The following NUBPL variants were observed in gnomAD, a reference collection of about 807,000 sequenced individuals.
NUBPL encodes NUBP iron-sulfur cluster assembly factor, mitochondrial, also known as iron-sulfur cluster transfer protein NUBPL.
NUBPL carries 31 observed loss-of-function variants against 45.7 expected under a neutral mutation model. That is an observed-to-expected ratio of 0.68 (90% CI 0.51 to 0.92). NUBPL has a LOEUF of 0.92. NUBPL is among the 40% of genes least tolerant of loss of function. The pLI is 0.00. For synonymous variants in NUBPL, 144 were observed against 140.9 expected, an observed-to-expected ratio of 1.02 and a Z score of -0.15; for missense variants, 401 against 398.7, an observed-to-expected ratio of 1.01 and a Z score of -0.05.
chr14:31,635,241 T>C (rs1288535676), intron 4 of NUBPL, among the ~76,000 whole-genome samples: 1 of 152,178 alleles, frequency 6.6e-6, no homozygotes, highest in Non-Finnish European at 1.5e-5. Context: ...TTTAAGTCTT[T>C]AATCCATCTT....
chr14:31,608,569 G>T (rs2034666627), intron 4 of NUBPL, among the ~76,000 whole-genome samples: 1 of 151,840 alleles, frequency 6.6e-6, no homozygotes. Context: ...AAGAAACAAA[G>T]AAAGATAAAT....
At chr14:31,616,746 T>G (rs1038718387) in intron 4 of NUBPL, among the ~76,000 whole-genome samples, 16 of 152,078 alleles carry the variant, frequency 1.1e-4, no homozygotes, top group African/African-American at 3.4e-4. Flanking sequence ...GATTGTCTTG[T>G]CTATATGGGC....
At chr14:31,771,298 T>C (rs1428490475) in intron 6 of NUBPL, among the ~76,000 whole-genome samples, 1 of 152,044 alleles carries the variant, frequency 6.6e-6, no homozygotes, top group Non-Finnish European at 1.5e-5. Flanking sequence ...TAAAAACATA[T>C]TCAGAAATAA....
At chr14:31,754,152 G>C (rs1288942184) in intron 6 of NUBPL, among the ~76,000 whole-genome samples, 3 of 152,148 alleles carry the variant, frequency 2.0e-5, no homozygotes, top group African/African-American at 4.8e-5. Flanking sequence ...TACCTAAATA[G>C]TTGGTGAGAT....
intron 6 of NUBPL, among the ~76,000 whole-genome samples, chr14:31,717,209 G>A (rs2037709823): frequency 6.6e-6 from 1 of 152,082 alleles, no homozygotes; most frequent in Admixed American, 6.6e-5. Context: ...TGATATTCCT[G>A]AATTCACTTT....
intron 6 of NUBPL, among the ~76,000 whole-genome samples, chr14:31,761,910 A>G (rs2038818740): frequency 6.6e-6 from 1 of 152,228 alleles, no homozygotes; most frequent in South Asian, 2.1e-4. Flanking sequence ...ATGTATGTAC[A>G]TGAGCTAAGT....
At chr14:31,582,488 T>C (rs920549060) in intron 3 of NUBPL, among the ~76,000 whole-genome samples, 1 of 151,928 alleles carries the variant, frequency 6.6e-6, no homozygotes, top group African/African-American at 2.4e-5. Context: ...CAGACCACTC[T>C]TGTGGGGTGA....
At chr14:31,590,347 C>T (rs894222930) in intron 3 of NUBPL, among the ~76,000 whole-genome samples, 3 of 151,786 alleles carry the variant, frequency 2.0e-5, no homozygotes, top group African/African-American at 7.3e-5. Flanking sequence ...GAAATTATTT[C>T]CTCCCATCCC....
rs2040109149 is a variant in NUBPL, at chr14:31,826,658, A to G, written c.637A>G (p.Ile213Val). Residue 213 changes from isoleucine to valine, a missense_variant, in exon 8 of 11, where the codon ATC becomes GTC. Physicochemically the swap from Ile to Val is conservative, Grantham distance 29. Coordinates refer to ENST00000281081, the MANE Select transcript of NUBPL (RefSeq NM_025152.3). ...GAVIVSTPQD[I>V]ALMDAHKGAE... ...TGTGATTGTCTCCACGCCCCAGGAC[A>G]TCGCATTGATGGATGCACACAAGGG... The G allele has an allele frequency of 6.2e-7, 1 of 1,614,070 alleles. No homozygotes were observed. Among genetic ancestry groups the G allele is most frequent in the Non-Finnish European group, 8.5e-7 (1 of 1,180,002 alleles).
intron 4 of NUBPL, among the ~76,000 whole-genome samples, chr14:31,637,375 C>T (rs1327543970): frequency 6.6e-6 from 1 of 152,156 alleles, no homozygotes; most frequent in Non-Finnish European, 1.5e-5. Flanking sequence ...GCAGGTTGTT[C>T]AGTTTCCATG....
rs2038673752 is a variant in NUBPL, at chr14:31,756,716, G to C, written c.514-31064G>C. Among the ~76,000 whole-genome samples the C allele has an allele frequency of 2.0e-5, 3 of 150,958 alleles. No individual in the cohort carries two copies. The South Asian group carries it at 6.4e-4, about 32-fold the overall frequency. ...TTTCCTTCTCCTGCCTAATTGCCCTGGCCAGAACTTCCAACACTATGTTGA... is the reference window on the plus strand; with the variant it reads ...TTTCCTTCTCCTGCCTAATTGCCCTCGCCAGAACTTCCAACACTATGTTGA... On this transcript the variant is annotated intron_variant, in intron 6 of 10. Coordinates refer to ENST00000281081, the MANE Select transcript of NUBPL (RefSeq NM_025152.3).
At chr14:31,750,200 A>T (rs2038491965) in intron 6 of NUBPL, among the ~76,000 whole-genome samples, 1 of 146,810 alleles carries the variant, frequency 6.8e-6, no homozygotes, top group South Asian at 2.1e-4. Context: ...TTTGAGACGG[A>T]GTCTTGCTCT....
intron 4 of NUBPL, among the ~76,000 whole-genome samples, chr14:31,662,762 A>G (rs182295532): frequency 6.6e-6 from 1 of 152,208 alleles, no homozygotes; most frequent in Non-Finnish European, 1.5e-5. Flanking sequence ...TAGTGCTGCA[A>G]TAAATATCCA....
chr14:31,826,230 C>T (rs1433557824), intron 7 of NUBPL, among the ~76,000 whole-genome samples: 1 of 151,818 alleles, frequency 6.6e-6, no homozygotes, highest in African/African-American at 2.4e-5. Flanking sequence ...AAGTGATTCT[C>T]CTGCCGCAGC....
intron 7 of NUBPL, among the ~76,000 whole-genome samples, chr14:31,822,729 TC>T (rs1255335892): frequency 6.6e-6 from 1 of 152,142 alleles, no homozygotes; most frequent in Admixed American, 6.5e-5. Flanking sequence ...AAAAAAAACT[TC>T]TATAAATATA....
chr14:31,765,657 C>T (rs1204163035), intron 6 of NUBPL, among the ~76,000 whole-genome samples: 3 of 151,236 alleles, frequency 2.0e-5, no homozygotes, highest in Non-Finnish European at 4.4e-5. Flanking sequence ...TGCCTTAAAA[C>T]ATCTAGCAGA....
At chr14:31,814,966 A>G (rs1044929579) in intron 7 of NUBPL, among the ~76,000 whole-genome samples, 6 of 152,182 alleles carry the variant, frequency 3.9e-5, no homozygotes, top group African/African-American at 1.2e-4. Flanking sequence ...GAAGTCAGGT[A>G]GCGTGATGCC....
chr14:31,770,058 T>A (rs556503347), intron 6 of NUBPL, among the ~76,000 whole-genome samples: 35 of 152,328 alleles, frequency 2.3e-4, no homozygotes, highest in African/African-American at 7.2e-4. Context: ...TTGTTTTTTT[T>A]AATAGTAATT....
intron 6 of NUBPL, among the ~76,000 whole-genome samples, chr14:31,739,374 C>A (rs140301476): frequency 3.7e-4 from 56 of 151,436 alleles, no homozygotes; most frequent in African/African-American, 1.3e-3. Flanking sequence ...CATGAGCCAC[C>A]GTGCCTGGCC....
Sources: allele counts gnomAD v4.1 joint callset (sites outside exome capture counted in the v4.1 genomes callset), GRCh38; gene constraint gnomAD v4.1.1; transcripts MANE v1.5; gene names NCBI Gene and HGNC (gene_info 2026-07-23, HGNC 2026-07-21).